The following INTS8 variants were observed in gnomAD, a reference collection of about 807,000 sequenced individuals.
The protein encoded by INTS8 is integrator complex subunit 8.
In INTS8, 47 loss-of-function variants were observed where a neutral mutation model predicts 138.9. That is an observed-to-expected ratio of 0.34 (90% CI 0.27 to 0.43). The LOEUF is 0.43. INTS8 is among the 20% of genes least tolerant of loss of function. The pLI is 1.00. For synonymous variants in INTS8, 392 were observed against 400.9 expected (o/e 0.98, Z 0.27); for missense variants, 996 against 1,173.0 (o/e 0.85, Z 2.20).
chr8:94,870,204 A>G (rs976994243), intron 20 of INTS8, among the ~76,000 whole-genome samples: 1 of 151,652 alleles, frequency 6.6e-6, no homozygotes, highest in Non-Finnish European at 1.5e-5. Flanking sequence ...GGCGCCCACC[A>G]CCATGCCTGG....
rs774048127 is a variant in INTS8 at position 94,859,619 on chromosome 8, A to G, written c.2063A>G (p.Asn688Ser). ...GTTCCTGCATTTTTGCTTCAGAGTA[A>G]TCCATATGTAAAGGTAGTTAATGTT... ...LQVPAFLLQS[N>S]PYVKLGQLLA... Residue 688 changes from asparagine to serine, a missense_variant, in exon 16 of 27, where the codon AAT becomes AGT. By Grantham distance (46) the Asn-to-Ser change is conservative. Transcript: ENST00000523731. 1 of 1,608,954 alleles carries G rather than the reference A, an allele frequency of 6.2e-7. No individual in the cohort carries two copies. The highest frequency in any genetic ancestry group is 8.5e-7 in the Non-Finnish European group (1 of 1,175,634).
At chr8:94,828,099 G>T (rs182870649) in intron 4 of INTS8, among the ~76,000 whole-genome samples, 262 of 151,714 alleles carry the variant, frequency 1.7e-3, no homozygotes, top group African/African-American at 6.2e-3. Flanking sequence ...GAATGCAGTG[G>T]TGTGATCTCG....
In INTS8 at chr8:94,838,443, G is replaced by GTA; in HGVS notation, c.862-17_862-16dup. On this transcript the variant is annotated intron_variant, in intron 7 of 26. Coordinates refer to ENST00000523731, the MANE Select transcript of INTS8 (RefSeq NM_017864.4). ...TTATATTACATGAATGGATAATGGT[G>GTA]TATACCTCTTACTTTACAGATAGGT... 6.3e-7 allele frequency: 1 copy of GTA among 1,587,628 alleles called. No homozygotes were observed. Among genetic ancestry groups the GTA allele is most frequent in the Non-Finnish European group, 8.6e-7 (1 of 1,156,960 alleles).
At chr8:94,858,980 A>C (rs1392150661) in intron 15 of INTS8, among the ~76,000 whole-genome samples, 1 of 152,168 alleles carries the variant, frequency 6.6e-6, no homozygotes, top group African/African-American at 2.4e-5. Flanking sequence ...TAAAATAAGA[A>C]GGAGGCTGGG....
intron 2 of INTS8, among the ~76,000 whole-genome samples, chr8:94,826,237 C>T (rs1323365354): frequency 6.6e-6 from 1 of 152,116 alleles, no homozygotes; most frequent in African/African-American, 2.4e-5. Context: ...CAAAAACCCT[C>T]TTTTTAACCA....
At chr8:94,854,302 T>TA in intron 14 of INTS8, among the ~76,000 whole-genome samples, 1 of 152,268 alleles carries the variant, frequency 6.6e-6, no homozygotes, top group South Asian at 2.1e-4. Context: ...TCCTAATCTT[T>TA]AAAGTCACAG....
intron 23 of INTS8, 53 bp from the exon 24 acceptor site, chr8:94,876,021 G>C (rs1391085523): frequency 8.3e-7 from 1 of 1,205,612 alleles, no homozygotes; most frequent in Non-Finnish European, 1.2e-6. Flanking sequence ...AGATTACCTT[G>C]TAAAACCAAG....
At chr8:94,838,176 C>T (rs887743578) in intron 7 of INTS8, among the ~76,000 whole-genome samples, 1 of 151,866 alleles carries the variant, frequency 6.6e-6, no homozygotes, top group African/African-American at 2.4e-5. Flanking sequence ...CTCAGCCTCC[C>T]GAGTAGCTGG....
chr8:94,871,852 T>C (rs887703212), intron 20 of INTS8, 32 bp from the exon 21 acceptor site: 1 of 1,157,628 alleles, frequency 8.6e-7, no homozygotes, highest in Non-Finnish European at 1.3e-6. Context: ...ACTTTTAAAA[T>C]AGAGATTAAT....
rs1816752689 is a variant in INTS8 at position 94,880,214 on chromosome 8, A to G, written c.2968A>G (p.Met990Val). 2 of 1,601,342 alleles carry G rather than the reference A, an allele frequency of 1.2e-6. No individual in the cohort carries two copies. The highest frequency in any genetic ancestry group is 2.2e-5 in the East Asian group (1 of 44,802). The stretch of plus-strand genomic sequence containing the variant: ...AAGGAAAAAAAAGTTTCTCCAAGCA[A>G]TGGCAAAACTTTACTTTTAAGCAGT... Reference protein sequence around the residue: ...QRRKKKFLQAMAKLYF With the variant: ...QRRKKKFLQAVAKLYF The change falls in exon 27 of 27, where the codon ATG becomes GTG. Residue 990 changes from methionine to valine, a missense_variant. By Grantham distance (21) the Met-to-Val change is conservative. Coordinates refer to ENST00000523731, the MANE Select transcript of INTS8 (RefSeq NM_017864.4).
chr8:94,866,193 TA>T lies in INTS8; in HGVS notation c.2295+4del. On this transcript the variant is annotated splice_donor_region_variant and intron_variant, in intron 18 of 26. Coordinates refer to ENST00000523731, the MANE Select transcript of INTS8 (RefSeq NM_017864.4). ...CTTTCTTTTATCAAAAAATTACGAGTAAGTTTTATTAAAAATTGCTCTAATT... is the reference window on the plus strand; with the variant it reads ...CTTTCTTTTATCAAAAAATTACGAGTAGTTTTATTAAAAATTGCTCTAATT... The T allele has an allele frequency of 7.5e-7, 1 of 1,329,010 alleles. No homozygotes were observed. The highest frequency in any genetic ancestry group is 1.1e-6 in the Non-Finnish European group (1 of 940,116). 82.3% of individuals were successfully genotyped at this position (1,329,010 alleles called of 1,614,324 possible).
At chr8:94,855,544 C>G (rs919501774) in intron 14 of INTS8, among the ~76,000 whole-genome samples, 3 of 152,124 alleles carry the variant, frequency 2.0e-5, no homozygotes, top group African/African-American at 7.2e-5. Context: ...CCTTCTACAC[C>G]TAACATAACA....
In INTS8 at chr8:94,848,013, CT is replaced by C. The variant is rs58388097; in HGVS notation, c.1261-1436del. 2.9e-3 allele frequency among the ~76,000 whole-genome samples: 373 copies of C among 129,726 alleles called. 4 individuals are homozygous for C. The highest frequency in any genetic ancestry group is 4.6e-3 in the Middle Eastern group (1 of 218). 85.1% of individuals were successfully genotyped at this position (129,726 alleles called of 152,430 possible). On this transcript the variant is annotated intron_variant, in intron 10 of 26. Coordinates refer to ENST00000523731, the MANE Select transcript of INTS8 (RefSeq NM_017864.4). ...TGAACATAGCACTTTTAAAACACTG[CT>C]TTTTTTTTTTTTGAGATGGAGTCTC...
intron 10 of INTS8, among the ~76,000 whole-genome samples, chr8:94,846,520 C>T (rs1004328415): frequency 6.6e-5 from 10 of 152,154 alleles, no homozygotes; most frequent in Admixed American, 1.3e-4. Flanking sequence ...GCGATCCACC[C>T]GCCTCAGCCT....
chr8:94,869,531 T>G (rs1816310917), intron 20 of INTS8, among the ~76,000 whole-genome samples: 1 of 151,958 alleles, frequency 6.6e-6, no homozygotes, highest in African/African-American at 2.4e-5. Flanking sequence ...CTTGCTCTGT[T>G]GCCCAGGCTG....
intron 11 of INTS8, 84 bp from the exon 12 acceptor site, chr8:94,849,832 G>A (rs944777125): frequency 3.1e-6 from 3 of 981,948 alleles, no homozygotes; most frequent in Non-Finnish European, 4.5e-6. Flanking sequence ...TTTTTAAATG[G>A]CTTATTAAAA....
At chr8:94,872,336 C>T (rs1816427605) in intron 21 of INTS8, among the ~76,000 whole-genome samples, 1 of 152,058 alleles carries the variant, frequency 6.6e-6, no homozygotes, top group Non-Finnish European at 1.5e-5. Context: ...CGGGTTCAAG[C>T]GATTCTCCTG....
chr8:94,832,017 T>C lies in INTS8; in HGVS notation c.596T>C (p.Ile199Thr). 6.2e-7 allele frequency: 1 copy of C among 1,604,072 alleles called. No homozygotes were observed. The highest frequency in any genetic ancestry group is 8.5e-7 in the Non-Finnish European group (1 of 1,176,858). The change falls in exon 6 of 27, where the codon ATT (isoleucine) becomes ACT (threonine). Residue 199 changes from isoleucine (I) to threonine (T), a missense_variant. Coordinates refer to ENST00000523731, the MANE Select transcript of INTS8 (RefSeq NM_017864.4). ...KVLKEQAADS[I>T]LVLEAALKLN... ...CTCAAAGAACAAGCTGCTGATTCTA[T>C]TTTGGTACTAGAAGCAGCCCTAAAA...
intron 10 of INTS8, among the ~76,000 whole-genome samples, chr8:94,844,497 A>C (rs1283922052): frequency 6.6e-6 from 1 of 151,146 alleles, no homozygotes; most frequent in Non-Finnish European, 1.5e-5. Context: ...TTGTATTTTT[A>C]GTAGCGACGG....
Sources: allele counts gnomAD v4.1 joint callset (sites outside exome capture counted in the v4.1 genomes callset), GRCh38; gene constraint gnomAD v4.1.1; transcripts MANE v1.5; gene names NCBI Gene and HGNC (gene_info 2026-07-23, HGNC 2026-07-21).